Variants in KDM4C observed in about 807,000 individuals in gnomAD.
The protein encoded by KDM4C is lysine-specific demethylase 4C.
Under a neutral mutation model 129.3 loss-of-function variants are expected in KDM4C, and 81 were observed. That is an observed-to-expected ratio of 0.63 (90% CI 0.52 to 0.75). The LOEUF (loss-of-function observed/expected upper bound fraction) is 0.75. KDM4C is among the 30% of genes least tolerant of loss of function. The probability of loss-of-function intolerance (pLI) is 0.00; values close to 1 mark genes in which losing one functional copy is unlikely to be tolerated. For missense variants in KDM4C, 1,457 were observed against 1,304.0 expected, an observed-to-expected ratio of 1.12 and a Z score of -1.81; for synonymous variants, 573 against 456.1, an observed-to-expected ratio of 1.26 and a Z score of -3.26.
intron 4 of KDM4C, among the ~76,000 whole-genome samples, chr9:6,829,545 A>T (rs531837191): frequency 1.6e-4 from 25 of 152,354 alleles, no homozygotes; most frequent in African/African-American, 5.0e-4. Flanking sequence ...TAGTCAACAC[A>T]TTGATAGATA....
chr9:6,860,276 G>T (rs1480377955), intron 5 of KDM4C, among the ~76,000 whole-genome samples: 1 of 152,148 alleles, frequency 6.6e-6, no homozygotes, highest in East Asian at 1.9e-4. Context: ...TCTTTCTTTA[G>T]ATGTGTTACT....
At chr9:6,749,731 A>G (rs541999627) in intron 1 of KDM4C, among the ~76,000 whole-genome samples, 2 of 152,154 alleles carry the variant, frequency 1.3e-5, no homozygotes, top group African/African-American at 2.4e-5. Context: ...TCATGCCTGT[A>G]ATCCCAGCAC....
chr9:6,728,815 C>A (rs920438463), intron 1 of KDM4C, among the ~76,000 whole-genome samples: 2 of 151,932 alleles, frequency 1.3e-5, no homozygotes, highest in Non-Finnish European at 2.9e-5. Context: ...CACCACACTC[C>A]AGCCTAGGTG....
chr9:6,826,442 T>A (rs1406853811), intron 4 of KDM4C, among the ~76,000 whole-genome samples: 1 of 152,220 alleles, frequency 6.6e-6, no homozygotes, highest in African/African-American at 2.4e-5. Flanking sequence ...TTTTTCTCTA[T>A]GAATGCTCCA....
At chr9:6,807,912 C>G (rs1171612515) in intron 3 of KDM4C, among the ~76,000 whole-genome samples, 4 of 138,614 alleles carry the variant, frequency 2.9e-5, no homozygotes, top group Admixed American at 1.4e-4. Flanking sequence ...GCCCCCAGCC[C>G]GGCCAGCCAC....
intron 7 of KDM4C, among the ~76,000 whole-genome samples, chr9:6,888,800 T>TCTTCACTTTAGGTTCTTACTGTGGCCTTC (rs1438516176): frequency 8.4e-6 from 1 of 118,688 alleles, no homozygotes; most frequent in African/African-American, 3.5e-5. Context: ...TTTTTTTTTT[T>TCTTCACTTTAGGTTCTTACTGTGGCCTTC]TTTTTGAGAC....
intron 4 of KDM4C, among the ~76,000 whole-genome samples, chr9:6,840,569 G>A (rs888461708): frequency 6.6e-6 from 1 of 151,974 alleles, no homozygotes; most frequent in Non-Finnish European, 1.5e-5. Context: ...GCTAATTTTT[G>A]TATTTTTAGT....
At chr9:6,834,058 T>TTTTTTTTTTTTTTA (rs1835403673) in intron 4 of KDM4C, among the ~76,000 whole-genome samples, 2 of 149,928 alleles carry the variant, frequency 1.3e-5, no homozygotes, top group African/African-American at 4.9e-5. Context: ...TTTTTTTTTT[T>TTTTTTTTTTTTTTA]AAGATAGTCT....
chr9:6,730,762 T>G (rs1036868059), intron 1 of KDM4C, among the ~76,000 whole-genome samples: 1 of 152,016 alleles, frequency 6.6e-6, no homozygotes, highest in Non-Finnish European at 1.5e-5. Flanking sequence ...AAAAGAGAAG[T>G]GACTATAGAA....
intron 1 of KDM4C, chr9:6,734,933 C>G: frequency 3.5e-6 from 2 of 574,008 alleles, no homozygotes; most frequent in Non-Finnish European, 7.0e-6. Flanking sequence ...GGCTGTGCAA[C>G]TTTTCAGAGG....
At chr9:6,943,574 C>T (rs1388640720) in intron 8 of KDM4C, among the ~76,000 whole-genome samples, 2 of 151,736 alleles carry the variant, frequency 1.3e-5, no homozygotes, top group African/African-American at 2.4e-5. Flanking sequence ...ACTTGGGAGG[C>T]TGAGGTGGGA....
intron 4 of KDM4C, among the ~76,000 whole-genome samples, chr9:6,839,946 C>T (rs945653080): frequency 3.3e-5 from 5 of 150,914 alleles, no homozygotes; most frequent in Non-Finnish European, 5.9e-5. Context: ...TGAGAAACAC[C>T]ATGTCACAAT....
At chr9:6,807,376 C>A (rs1375203773) in intron 3 of KDM4C, among the ~76,000 whole-genome samples, 13 of 146,226 alleles carry the variant, frequency 8.9e-5, no homozygotes, top group Non-Finnish European at 1.7e-4. Context: ...CTCTGCCTGG[C>A]TGCCCAGTCT....
intron 17 of KDM4C, among the ~76,000 whole-genome samples, chr9:7,059,183 T>C (rs1158327609): frequency 1.3e-5 from 2 of 152,208 alleles, no homozygotes; most frequent in Non-Finnish European, 2.9e-5. Context: ...AGGGTCTTGC[T>C]CTGTCACCCA....
chr9:6,937,606 G>T (rs62533822), intron 8 of KDM4C, among the ~76,000 whole-genome samples: 38,902 of 151,990 alleles, frequency 0.26, 5,428 homozygotes, highest in South Asian at 0.4. Flanking sequence ...GCTCTAGCAG[G>T]CTGGGAGTCT....
intron 8 of KDM4C, among the ~76,000 whole-genome samples, chr9:6,906,066 C>A (rs1197384274): frequency 6.6e-6 from 1 of 152,056 alleles, no homozygotes; most frequent in Non-Finnish European, 1.5e-5. Context: ...ATGCAACACA[C>A]TCTGTTTTCA....
At chr9:6,842,426 C>T (rs1437740012) in intron 4 of KDM4C, among the ~76,000 whole-genome samples, 1 of 150,920 alleles carries the variant, frequency 6.6e-6, no homozygotes, top group African/African-American at 2.4e-5. Flanking sequence ...CCTCCGCCTC[C>T]TGGGTTCACG....
intron 2 of KDM4C, among the ~76,000 whole-genome samples, chr9:6,799,133 C>T (rs1828399709): frequency 6.6e-6 from 1 of 151,672 alleles, no homozygotes; most frequent in South Asian, 2.1e-4. Flanking sequence ...GGCGGCCAGG[C>T]AGAGACACTC....
rs760902728 is a variant in KDM4C, at chr9:7,174,679, C to T, written c.3121C>T (p.Arg1041Cys). ...KNEYVADPVY[R>C]TFLKSSFQKK... ...TGAATATGTGGCCGACCCTGTATACCGCACTTTTTTGAAGAGCTCTTTCCA... is the reference window on the plus strand; with the variant it reads ...TGAATATGTGGCCGACCCTGTATACTGCACTTTTTTGAAGAGCTCTTTCCA... Residue 1041 changes from arginine (R) to cysteine (C), a missense_variant, in exon 22 of 22, where the codon CGC (arginine) becomes TGC (cysteine). Coordinates refer to ENST00000381309, the MANE Select transcript of KDM4C (RefSeq NM_015061.6). 1.1e-5 allele frequency: 18 copies of T among 1,614,018 alleles called. No individual in the cohort carries two copies. Among genetic ancestry groups the T allele is most frequent in the South Asian group, 2.2e-5 (2 of 91,062 alleles).
Sources: allele counts gnomAD v4.1 joint callset (sites outside exome capture counted in the v4.1 genomes callset), GRCh38; gene constraint gnomAD v4.1.1; transcripts MANE v1.5; gene names NCBI Gene and HGNC (gene_info 2026-07-23, HGNC 2026-07-21).